The following TBC1D4 variants were observed in gnomAD, a reference collection of about 807,000 sequenced individuals.
TBC1D4 encodes TBC1 domain family member 4, also known as TBC (Tre-2, BUB2, CDC16) domain-containing protein.
In TBC1D4, 121 loss-of-function variants were observed where a neutral mutation model predicts 142.5. The observed-to-expected ratio is 0.85, with a 90% CI of 0.73 to 0.99. The LOEUF is 0.99. TBC1D4 is among the 50% of genes least tolerant of loss of function. TBC1D4 has a pLI of 0.00. For synonymous variants in TBC1D4, 630 were observed against 628.2 expected (o/e 1.00, Z -0.04); for missense variants, 1,475 against 1,606.6 (o/e 0.92, Z 1.40).
chr13:75,354,712 G>A (rs567791129), intron 4 of TBC1D4, among the ~76,000 whole-genome samples: 7 of 152,080 alleles, frequency 4.6e-5, no homozygotes, highest in Non-Finnish European at 8.8e-5. Context: ...AGCGGGGCAT[G>A]TGTGGAATAA....
chr13:75,448,201 T>G (rs1887374118), intron 1 of TBC1D4, among the ~76,000 whole-genome samples: 1 of 152,050 alleles, frequency 6.6e-6, no homozygotes, highest in Non-Finnish European at 1.5e-5. Flanking sequence ...TTAATAAAAG[T>G]TTACTGAATG....
chr13:75,437,599 CT>C (rs200285653), intron 1 of TBC1D4, among the ~76,000 whole-genome samples: 49,838 of 147,392 alleles, frequency 0.34, 9,278 homozygotes, highest in African/African-American at 0.53. Flanking sequence ...TCATTATAAA[CT>C]TTTTTTTTTT....
rs368769711 is a variant in TBC1D4 at position 75,302,224 on chromosome 13, A to C, written c.2911+19T>G. 15 of 1,613,976 alleles carry C rather than the reference A, an allele frequency of 9.3e-6. No individual in the cohort carries two copies. The highest frequency in any genetic ancestry group is 1.3e-5 in the Non-Finnish European group (15 of 1,180,018). On this transcript the variant is annotated intron_variant, in intron 16 of 20. Coordinates refer to ENST00000377636, the MANE Select transcript of TBC1D4 (RefSeq NM_014832.5). ...CAGCTGTTTACTTTTGTAAATTATA[A>C]TCCACATGACAAACATACCTAAATC...
At chr13:75,474,085 A>G (rs1312715531) in intron 1 of TBC1D4, among the ~76,000 whole-genome samples, 3 of 152,246 alleles carry the variant, frequency 2.0e-5, no homozygotes, top group African/African-American at 7.2e-5. Flanking sequence ...CTTAAAATGG[A>G]AAGTACATAC....
intron 11 of TBC1D4, among the ~76,000 whole-genome samples, chr13:75,321,276 A>C (rs942217258): frequency 6.6e-6 from 1 of 152,174 alleles, no homozygotes; most frequent in African/African-American, 2.4e-5. Context: ...AGTGATAATG[A>C]GAATGTAGAG....
chr13:75,349,125 T>C, intron 5 of TBC1D4, 45 bp downstream of exon 5: 1 of 1,613,594 alleles, frequency 6.2e-7, no homozygotes, highest in African/African-American at 1.3e-5. Context: ...ATTTCCCAAA[T>C]GCCAAAGCAA....
At chr13:75,479,894 G>A (rs1263265718) in intron 1 of TBC1D4, among the ~76,000 whole-genome samples, 2 of 152,078 alleles carry the variant, frequency 1.3e-5, no homozygotes, top group East Asian at 3.9e-4. Context: ...TAGGAGTTCT[G>A]ATTGTTGGGT....
chr13:75,431,737 C>T (rs186003849), intron 1 of TBC1D4, among the ~76,000 whole-genome samples: 1 of 152,284 alleles, frequency 6.6e-6, no homozygotes, highest in East Asian at 1.9e-4. Context: ...TGCCTTTTCA[C>T]TGAATTAACA....
At chr13:75,302,086 T>C (rs1242893183) in intron 16 of TBC1D4, among the ~76,000 whole-genome samples, 157 bp downstream of exon 16, 6 of 152,208 alleles carry the variant, frequency 3.9e-5, no homozygotes, top group African/African-American at 1.4e-4. Flanking sequence ...CAATCAGGTA[T>C]AAGGCCAACT....
chr13:75,377,479 C>T (rs752763196), intron 1 of TBC1D4, among the ~76,000 whole-genome samples: 1 of 151,992 alleles, frequency 6.6e-6, no homozygotes, highest in Non-Finnish European at 1.5e-5. Context: ...CCCTGAAAGT[C>T]AATGGGAACA....
chr13:75,355,210 A>G (rs1453822893), intron 4 of TBC1D4, among the ~76,000 whole-genome samples: 3 of 152,200 alleles, frequency 2.0e-5, no homozygotes, highest in Admixed American at 6.5e-5. Flanking sequence ...ACTGATTTCT[A>G]TATGACGAAG....
At chr13:75,474,093 T>A (rs1274968324) in intron 1 of TBC1D4, among the ~76,000 whole-genome samples, 1 of 152,230 alleles carries the variant, frequency 6.6e-6, no homozygotes, top group Non-Finnish European at 1.5e-5. Flanking sequence ...GGAAAGTACA[T>A]ACTGGCATAA....
At chr13:75,399,227 G>T (rs1322236382) in intron 1 of TBC1D4, among the ~76,000 whole-genome samples, 1 of 152,128 alleles carries the variant, frequency 6.6e-6, no homozygotes, top group East Asian at 1.9e-4. Flanking sequence ...AAAAGAGTTG[G>T]CTGCAAACAT....
chr13:75,399,550 C>T (rs1385417588), intron 1 of TBC1D4, among the ~76,000 whole-genome samples: 1 of 152,188 alleles, frequency 6.6e-6, no homozygotes, highest in Non-Finnish European at 1.5e-5. Flanking sequence ...TACACCCCCA[C>T]GTGATTTAAT....
intron 1 of TBC1D4, among the ~76,000 whole-genome samples, chr13:75,412,102 AAG>A (rs1389155111): frequency 6.6e-6 from 1 of 152,184 alleles, no homozygotes; most frequent in African/African-American, 2.4e-5. Context: ...TATAATGAAT[AAG>A]AGAGCTTGAA....
At chr13:75,312,619 A>T in intron 13 of TBC1D4, 119 bp downstream of exon 13, 1 of 1,345,298 alleles carries the variant, frequency 7.4e-7, no homozygotes, top group Non-Finnish European at 1.0e-6. Flanking sequence ...ACTGTATCAC[A>T]TACAGAAAGA....
chr13:75,305,991 T>C (rs1049533231), intron 15 of TBC1D4, among the ~76,000 whole-genome samples: 5 of 152,190 alleles, frequency 3.3e-5, no homozygotes, highest in African/African-American at 1.2e-4. Context: ...TGTAAATGAA[T>C]ACTTCTGACC....
rs1593743669 is a variant in TBC1D4, at chr13:75,333,471, T to G, written c.1731+3450A>C. 4.6e-5 allele frequency among the ~76,000 whole-genome samples: 7 copies of G among 152,336 alleles called. No individual in the cohort carries two copies. The South Asian group carries it at 1.2e-3, about 27-fold the overall frequency. The stretch of plus-strand genomic sequence containing the variant: ...GCAGGTTTAAAACGATCACTTTGTT[T>G]CTCTTTTTTCATTTTGAAGCCATCT... On this transcript the variant is annotated intron_variant, in intron 8 of 20. Transcript: ENST00000377636.
chr13:75,475,824 A>G (rs1277773684), intron 1 of TBC1D4, among the ~76,000 whole-genome samples: 2 of 152,352 alleles, frequency 1.3e-5, no homozygotes, highest in East Asian at 3.8e-4. Context: ...GTTGCGTATC[A>G]CTTATCCAAC....
Sources: gnomAD v4.1 joint callset for allele counts (sites outside exome capture counted in the v4.1 genomes callset) on GRCh38, gnomAD v4.1.1 for gene constraint, MANE v1.5 for transcripts, NCBI Gene and HGNC (gene_info 2026-07-23, HGNC 2026-07-21) for gene names.